DYNC2H1: variants seen among roughly 807,000 people sequenced by gnomAD.
DYNC2H1 encodes dynein cytoplasmic 2 heavy chain 1.
Under a neutral mutation model 570.0 loss-of-function variants are expected in DYNC2H1, and 410 were observed. The ratio of observed to expected loss-of-function variants is 0.72; its 90% CI spans 0.66 to 0.78. DYNC2H1 has a LOEUF of 0.78. DYNC2H1 is among the 30% of genes least tolerant of loss of function. The probability of loss-of-function intolerance (pLI) is 0.00; values close to 1 mark genes in which losing one functional copy is unlikely to be tolerated. For synonymous variants in DYNC2H1, 1,688 were observed against 1,677.6 expected, an observed-to-expected ratio of 1.01 and a Z score of -0.15; for missense variants, 4,865 against 5,046.4, an observed-to-expected ratio of 0.96 and a Z score of 1.09.
In DYNC2H1 at chr11:103,113,529, C is replaced by A; in HGVS notation, c.196-8C>A. Reference sequence around the variant, plus strand: ...GAAGATAACATTAAAAATCATTTATCACTTTAGATTGAGTTTGGTGACACA... The same window carrying A: ...GAAGATAACATTAAAAATCATTTATAACTTTAGATTGAGTTTGGTGACACA... On this transcript the variant is annotated splice_polypyrimidine_tract_variant and splice_region_variant and intron_variant, in intron 1 of 88. Transcript: ENST00000375735. The A allele has an allele frequency of 1.3e-6, 2 of 1,500,098 alleles. No homozygotes were observed. Among genetic ancestry groups the A allele is most frequent in the South Asian group, 3.0e-5 (2 of 67,460 alleles). The allele number at this position is 1,500,098 out of a possible 1,614,324, so 92.9% of individuals were successfully genotyped here.
At position 103,109,507 on chromosome 11, in the gene DYNC2H1, T is replaced by C; in HGVS notation, c.-68T>C. 1 of 1,466,602 alleles carries C rather than the reference T, an allele frequency of 6.8e-7. No homozygotes were observed. Among genetic ancestry groups the C allele is most frequent in the Non-Finnish European group, 9.3e-7 (1 of 1,072,654 alleles). The allele number at this position is 1,466,602 out of a possible 1,614,324, so 90.8% of individuals were successfully genotyped here. On this transcript the variant is annotated 5_prime_UTR_variant, in exon 1 of 89. Coordinates refer to ENST00000375735, the MANE Select transcript of DYNC2H1 (RefSeq NM_001377.3). Reference sequence around the variant, plus strand: ...TTTGAGCAAAGCTCCTCTCTTCCCTTCACTTCCCTCCGGACTGGTTTCTTC... The same window carrying C: ...TTTGAGCAAAGCTCCTCTCTTCCCTCCACTTCCCTCCGGACTGGTTTCTTC...
In DYNC2H1 at chr11:103,387,321, A is replaced by G. The variant is rs566246117; in HGVS notation, c.12157-12342A>G. 1.2e-4 allele frequency among the ~76,000 whole-genome samples: 18 copies of G among 152,246 alleles called. No homozygotes were observed. In the East Asian group the frequency reaches 3.3e-3, roughly 28 times the overall value. ...CTTCTTTTGAGAAGTGTCTGTTCAT[A>G]TCCTTCACCTACTTGTTGATGGGGT... On this transcript the variant is annotated intron_variant, in intron 83 of 88. Coordinates refer to ENST00000375735, the MANE Select transcript of DYNC2H1 (RefSeq NM_001377.3).
chr11:103,396,448 G>A (rs1942398009), intron 83 of DYNC2H1, among the ~76,000 whole-genome samples: 1 of 152,190 alleles, frequency 6.6e-6, no homozygotes, highest in African/African-American at 2.4e-5. Flanking sequence ...AGTCTGACGT[G>A]TTTACTCTCT....
Position 103,241,504 on chromosome 11 carries a change from T to A in DYNC2H1, c.9820-2189T>A. ...AAAACATTTTGAAATGTTACCTTTC[T>A]TCTTTTCATTTAACTGCATCAGATC... is the stretch of plus-strand genomic sequence containing the variant. On this transcript the variant is annotated intron_variant, in intron 63 of 88. Coordinates refer to ENST00000375735, the MANE Select transcript of DYNC2H1 (RefSeq NM_001377.3). This position sits in a 1 kb window ranked among gnomAD's most constrained non-coding sequence, Gnocchi z 5.1. The A allele has an allele frequency of 6.3e-7, 1 of 1,591,680 alleles. No homozygotes were observed. Among genetic ancestry groups the A allele is most frequent in the Non-Finnish European group, 8.6e-7 (1 of 1,163,364 alleles).
chr11:103,366,164 T>A (rs1323941502), intron 83 of DYNC2H1, among the ~76,000 whole-genome samples: 2 of 152,222 alleles, frequency 1.3e-5, no homozygotes, highest in Non-Finnish European at 2.9e-5. Flanking sequence ...TTGGAACATT[T>A]CCTTAATGTC....
intron 65 of DYNC2H1, among the ~76,000 whole-genome samples, chr11:103,247,593 T>G (rs1468667991): frequency 6.6e-6 from 1 of 152,048 alleles, no homozygotes; most frequent in Non-Finnish European, 1.5e-5. Context: ...AGAGACATCT[T>G]AAAATGGACA....
Position 103,219,741 on chromosome 11 carries a change from A to G in DYNC2H1, c.8833-174A>G, listed in dbSNP as rs529782663. On this transcript the variant is annotated intron_variant, in intron 55 of 88. Transcript: ENST00000375735. ...ACCTTTCTGATAGAAAATATGGAGTAAAATATATCATTGGTTTCCCAGGCA... is the reference window on the plus strand; with the variant it reads ...ACCTTTCTGATAGAAAATATGGAGTGAAATATATCATTGGTTTCCCAGGCA... Among the ~76,000 whole-genome samples, 28 of 152,342 alleles carry G rather than the reference A, an allele frequency of 1.8e-4. No individual in the cohort carries two copies. The Middle Eastern group carries it at 0.01, about 56-fold the overall frequency.
At position 103,243,634 on chromosome 11, in the gene DYNC2H1, C is replaced by A; in HGVS notation, c.9820-59C>A. 2 of 1,237,654 alleles carry A rather than the reference C, an allele frequency of 1.6e-6. No individual in the cohort carries two copies. Among genetic ancestry groups the A allele is most frequent in the South Asian group, 1.5e-5 (1 of 67,662 alleles). 76.7% of individuals were successfully genotyped at this position (1,237,654 alleles called of 1,614,324 possible). ...TTTATAATTTCTAGAAAACTATTTC[C>A]ATTTAAATGAAAGCTTATAATCATT... On this transcript the variant is annotated intron_variant, in intron 63 of 88. Transcript: ENST00000375735. The surrounding 1 kb of genome is among the most constrained non-coding windows in gnomAD (Gnocchi z 4.8).
Position 103,299,106 on chromosome 11 carries a change from G to C in DYNC2H1, c.11096-3987G>C, listed in dbSNP as rs552642394. Among the ~76,000 whole-genome samples, 2 of 152,140 alleles carry C rather than the reference G, an allele frequency of 1.3e-5. No individual in the cohort carries two copies. Among genetic ancestry groups the C allele is most frequent in the South Asian group, 2.1e-4 (1 of 4,822 alleles). The stretch of plus-strand genomic sequence containing the variant: ...TGTATTGAGGTATTGGAAATGTAAA[G>C]AGACATGTCCCCATACGGTGCTACA... On this transcript the variant is annotated intron_variant, in intron 75 of 88. Coordinates refer to ENST00000375735, the MANE Select transcript of DYNC2H1 (RefSeq NM_001377.3). The surrounding 1 kb of genome is among the most constrained non-coding windows in gnomAD (Gnocchi z 4.5).
At chr11:103,376,074 G>A (rs1376035371) in intron 83 of DYNC2H1, among the ~76,000 whole-genome samples, 1 of 152,148 alleles carries the variant, frequency 6.6e-6, no homozygotes, top group East Asian at 1.9e-4. Context: ...TAGTGAGTGA[G>A]TTCTCATATG....
chr11:103,419,222 T>TACAA (rs1261427833), intron 84 of DYNC2H1, among the ~76,000 whole-genome samples: 1 of 152,134 alleles, frequency 6.6e-6, no homozygotes, highest in East Asian at 1.9e-4. Flanking sequence ...CTTGGGAGAA[T>TACAA]ACAAACAGTC....
At position 103,252,989 on chromosome 11, in the gene DYNC2H1, C is replaced by T. The variant is rs1365082868; in HGVS notation, c.10043-296C>T. Reference sequence around the variant, plus strand: ...TTTTGTCATCTATAATCAGCCATTTCAGAGCAATCTGGAATATGAAACATA... The same window carrying T: ...TTTTGTCATCTATAATCAGCCATTTTAGAGCAATCTGGAATATGAAACATA... On this transcript the variant is annotated intron_variant, in intron 65 of 88. Transcript: ENST00000375735. This position sits in a 1 kb window ranked among gnomAD's most constrained non-coding sequence, Gnocchi z 4.6. 6.6e-6 allele frequency among the ~76,000 whole-genome samples: 1 copy of T among 152,084 alleles called. No homozygotes were observed. Among genetic ancestry groups the T allele is most frequent in the African/African-American group, 2.4e-5 (1 of 41,420 alleles).
Position 103,199,529 on chromosome 11 carries a change from T to G in DYNC2H1, c.8088+53T>G. Reference sequence around the variant, plus strand: ...TTTGGTTTTAAATTACATTGGTTATTACTCTAAACATCTTTAAAGACCTAA... The same window carrying G: ...TTTGGTTTTAAATTACATTGGTTATGACTCTAAACATCTTTAAAGACCTAA... On this transcript the variant is annotated intron_variant, in intron 49 of 88. Coordinates refer to ENST00000375735, the MANE Select transcript of DYNC2H1 (RefSeq NM_001377.3). The surrounding 1 kb of genome is among the most constrained non-coding windows in gnomAD (Gnocchi z 4.6). 1 of 1,434,320 alleles carries G rather than the reference T, an allele frequency of 7.0e-7. No homozygotes were observed. Among genetic ancestry groups the G allele is most frequent in the South Asian group, 1.8e-5 (1 of 57,126 alleles). 88.8% of individuals were successfully genotyped at this position (1,434,320 alleles called of 1,614,324 possible). A position where few individuals can be genotyped will look rare whatever the true frequency, so the allele number is the denominator to read the frequency against.
chr11:103,142,806 A>C (rs72989717), intron 17 of DYNC2H1, among the ~76,000 whole-genome samples: 1 of 152,346 alleles, frequency 6.6e-6, no homozygotes, highest in Non-Finnish European at 1.5e-5. Context: ...ATATCATCCC[A>C]ACTAACTTTA....
At position 103,268,186 on chromosome 11, in the gene DYNC2H1, A is replaced by G. The variant is rs897941474; in HGVS notation, c.10695+8209A>G. Among the ~76,000 whole-genome samples the G allele has an allele frequency of 2.0e-5, 3 of 152,026 alleles. No homozygotes were observed. Among genetic ancestry groups the G allele is most frequent in the Non-Finnish European group, 4.4e-5 (3 of 67,928 alleles). ...ATTGCTTTCTGAAAAGCTTTTTACC[A>G]GTTAATATCTCTACCCACATAATAA... On this transcript the variant is annotated intron_variant, in intron 70 of 88. Transcript: ENST00000375735. This position sits in a 1 kb window ranked among gnomAD's most constrained non-coding sequence, Gnocchi z 4.6.
chr11:103,238,438 A>C (rs1009043020), intron 63 of DYNC2H1, among the ~76,000 whole-genome samples: 2 of 152,028 alleles, frequency 1.3e-5, no homozygotes, highest in Admixed American at 1.3e-4. Flanking sequence ...GCATTTTGTC[A>C]TGCACCTGTA....
In DYNC2H1 at chr11:103,192,112, C is replaced by A; in HGVS notation, c.7556C>A (p.Pro2519Gln). The change falls in exon 47 of 89, where the codon CCA becomes CAA. Residue 2519 changes from proline (P) to glutamine (Q), a missense_variant. By Grantham distance (76) the Pro-to-Gln change is moderately conservative. Around this residue, in one of 5 missense-constraint regions of DYNC2H1, gnomAD observed 2,401 missense variants for 2,454.6 expected, o/e 0.98. Transcript: ENST00000375735. ...CCTTTTCTAGGATCCTCAAACCATC[C>A]ACTAGATTATGTGTTAGAAATTGTA... is the stretch of plus-strand genomic sequence containing the variant. ...YDLEGGSSNHPLDYVLEIVAY... is the reference protein window; with the variant it reads ...YDLEGGSSNHQLDYVLEIVAY... The A allele has an allele frequency of 6.6e-7, 1 of 1,519,676 alleles. No homozygotes were observed. Among genetic ancestry groups the A allele is most frequent in the Non-Finnish European group, 8.9e-7 (1 of 1,126,818 alleles). The allele number at this position is 1,519,676 out of a possible 1,614,324, so 94.1% of individuals were successfully genotyped here. A position where few individuals can be genotyped will look rare whatever the true frequency, so the allele number is the denominator to read the frequency against.
chr11:103,325,691 C>A lies in DYNC2H1; in HGVS notation c.12039+1701C>A, dbSNP rs1412047102. Among the ~76,000 whole-genome samples, 3 of 151,252 alleles carry A rather than the reference C, an allele frequency of 2.0e-5. No individual in the cohort carries two copies. In the East Asian group the frequency reaches 6.1e-4, roughly 31 times the overall value. ...TCCATTCCAGAAGTTCAGTTTGGTTCTTCCTTAAAATGCCTGTTTCATTTT... is the reference window on the plus strand; with the variant it reads ...TCCATTCCAGAAGTTCAGTTTGGTTATTCCTTAAAATGCCTGTTTCATTTT... On this transcript the variant is annotated intron_variant, in intron 82 of 88. Transcript: ENST00000375735. The surrounding 1 kb of genome is among the most constrained non-coding windows in gnomAD (Gnocchi z 4.8).
intron 75 of DYNC2H1, among the ~76,000 whole-genome samples, chr11:103,297,165 A>G (rs1435182987): frequency 1.3e-5 from 2 of 152,022 alleles, no homozygotes; most frequent in Admixed American, 6.6e-5. Flanking sequence ...TGCTTATTTG[A>G]TGTTTTTATA....
Sources: gnomAD v4.1 joint callset for allele counts (sites outside exome capture counted in the v4.1 genomes callset) on GRCh38, gnomAD v4.1.1 for gene constraint, gnomAD v4.1.1 regional missense constraint, Gnocchi (gnomAD v3.1) non-coding constraint, MANE v1.5 for transcripts, NCBI Gene and HGNC (gene_info 2026-07-23, HGNC 2026-07-21) for gene names.